Variants in DNAH12 observed in about 807,000 individuals in gnomAD.
DNAH12 encodes dynein axonemal heavy chain 12, also known as axonemal beta dynein heavy chain 12.
In DNAH12, 285 loss-of-function variants were observed where a neutral mutation model predicts 371.5. The ratio of observed to expected loss-of-function variants is 0.77; its 90% CI spans 0.70 to 0.85. DNAH12 has a LOEUF of 0.85. Among genes scored for constraint, DNAH12 ranks in the 40% least tolerant of loss-of-function variants. DNAH12 has a pLI of 0.00. For missense variants in DNAH12, 3,611 were observed against 3,689.4 expected (o/e 0.98, Z 0.55); for synonymous variants, 1,200 against 1,213.0 (o/e 0.99, Z 0.22).
Position 57,452,968 on chromosome 3 carries a change from A to G in DNAH12, c.3661T>C (p.Tyr1221His). ...DFLWLAQLRY[Y>H]WENENARVRI... is the part of the protein sequence containing the mutation. The stretch of plus-strand genomic sequence containing the variant: ...ACTCGGGCATTCTCATTTTCCCAAT[A>G]ATATCGGAGCTGAGCAAGCCACAGG... The change falls in exon 25 of 74, where the codon TAT becomes CAT. Residue 1221 changes from tyrosine (Y) to histidine (H), a missense_variant. This residue lies in a region of DNAH12 where 31 missense variants were observed against 53.8 expected (regional missense o/e 0.58). Coordinates refer to ENST00000495027, the MANE Select transcript of DNAH12 (RefSeq NM_001366028.2). 1.3e-6 allele frequency: 2 copies of G among 1,551,174 alleles called. No homozygotes were observed. Among genetic ancestry groups the G allele is most frequent in the African/African-American group, 1.4e-5 (1 of 73,174 alleles).
intron 60 of DNAH12, among the ~76,000 whole-genome samples, chr3:57,342,109 A>G (rs1359416406): frequency 6.6e-6 from 1 of 152,172 alleles, no homozygotes; most frequent in Non-Finnish European, 1.5e-5. Flanking sequence ...CTACACAAAA[A>G]TCAACTCAAA....
At chr3:57,461,438 G>A (rs2066051076) in intron 19 of DNAH12, 51 bp downstream of exon 19, 15 of 1,520,044 alleles carry the variant, frequency 9.9e-6, no homozygotes, top group Non-Finnish European at 1.3e-5. Context: ...ATATGTAATA[G>A]GATTGCAATC....
rs1373936045 is a variant in DNAH12, at chr3:57,433,523, A to G, written c.4840-16T>C. ...CATCAGTCCACTGAGGAGGAAAAAA[A>G]AGAATTAAAAAGCTCTCCTCATAAA... is the stretch of plus-strand genomic sequence containing the variant. On this transcript the variant is annotated splice_polypyrimidine_tract_variant and intron_variant, in intron 31 of 73. Coordinates refer to ENST00000495027, the MANE Select transcript of DNAH12 (RefSeq NM_001366028.2). 6.5e-7 allele frequency: 1 copy of G among 1,542,850 alleles called. No homozygotes were observed. The highest frequency in any genetic ancestry group is 1.4e-5 in the African/African-American group (1 of 72,530).
intron 25 of DNAH12, among the ~76,000 whole-genome samples, chr3:57,448,436 G>A (rs561291955): frequency 6.6e-6 from 1 of 151,974 alleles, no homozygotes; most frequent in Non-Finnish European, 1.5e-5. Flanking sequence ...TCTTAATGCA[G>A]CACGTCTGGA....
At chr3:57,299,577 T>C (rs2061304221) in intron 70 of DNAH12, among the ~76,000 whole-genome samples, 1 of 152,082 alleles carries the variant, frequency 6.6e-6, no homozygotes, top group East Asian at 1.9e-4. Flanking sequence ...CCAAAATTCA[T>C]AGATTGAAAC....
At chr3:57,306,689 A>G (rs376193497) in intron 69 of DNAH12, among the ~76,000 whole-genome samples, 2 of 152,094 alleles carry the variant, frequency 1.3e-5, no homozygotes, top group East Asian at 1.9e-4. Context: ...CCCACAGCAC[A>G]CTTTAAGAGG....
intron 25 of DNAH12, among the ~76,000 whole-genome samples, chr3:57,452,595 A>G (rs1303406639): frequency 6.6e-6 from 1 of 152,038 alleles, no homozygotes; most frequent in East Asian, 1.9e-4. Context: ...TATTGTCAAT[A>G]CTCTCCTCTT....
chr3:57,384,067 G>C (rs1315006162), intron 49 of DNAH12, among the ~76,000 whole-genome samples: 1 of 152,118 alleles, frequency 6.6e-6, no homozygotes, highest in Non-Finnish European at 1.5e-5. Flanking sequence ...CTAGTCAACA[G>C]ATGTTATCTC....
At chr3:57,525,258 T>C (rs939523695) in intron 2 of DNAH12, among the ~76,000 whole-genome samples, 12 of 152,260 alleles carry the variant, frequency 7.9e-5, no homozygotes, top group Non-Finnish European at 1.3e-4. Context: ...CATGTCTATT[T>C]TGCTCACTGC....
At chr3:57,550,230 G>A in the DNAH12 span, among the ~76,000 whole-genome samples, 1 of 152,142 alleles carries the variant, frequency 6.6e-6, no homozygotes, top group Middle Eastern at 3.4e-3. Flanking sequence ...CAAGAGGATT[G>A]CTTGAGCCCA....
chr3:57,510,716 T>C, intron 5 of DNAH12, 74 bp downstream of exon 5: 6 of 1,373,304 alleles, frequency 4.4e-6, no homozygotes, highest in Non-Finnish European at 6.1e-6. Context: ...TTTTGCTTAT[T>C]TCTATTTTTG....
At position 57,459,663 on chromosome 3, in the gene DNAH12, C is replaced by G. The variant is rs746115630; in HGVS notation, c.2860G>C (p.Glu954Gln). 15 of 1,549,298 alleles carry G rather than the reference C, an allele frequency of 9.7e-6. No individual in the cohort carries two copies. Among genetic ancestry groups the G allele is most frequent in the Non-Finnish European group, 1.3e-5 (15 of 1,145,366 alleles). The change falls in exon 20 of 74, where the codon GAA becomes CAA. Residue 954 changes from glutamate to glutamine, a missense_variant. By Grantham distance (29) the Glu-to-Gln change is conservative (BLOSUM62 2). Transcript: ENST00000495027. ...TCTACTGTCTGAAATTGACGCCCTT[C>G]TTCTGGCATCTGTTGCATGATATCC... is the stretch of plus-strand genomic sequence containing the variant. Reference protein sequence around the residue: ...SEDIMQQMPEEGRQFQTVDRH... With the variant: ...SEDIMQQMPEQGRQFQTVDRH...
At chr3:57,475,533 G>T (rs929237323) in intron 13 of DNAH12, among the ~76,000 whole-genome samples, 3 of 152,082 alleles carry the variant, frequency 2.0e-5, no homozygotes, top group Non-Finnish European at 2.9e-5. Flanking sequence ...ACTTAAAAAT[G>T]GTTAAAATGG....
rs1312439561 is a variant in DNAH12, at chr3:57,471,524, G to C, written c.1859C>G (p.Ser620Ter). ...TTCTGTAAACTCCTCCATGCGGCGTGATTCTTTTTCTATTTCCAAAATAAG... is the reference window on the plus strand; with the variant it reads ...TTCTGTAAACTCCTCCATGCGGCGTCATTCTTTTTCTATTTCCAAAATAAG... ...EKLILEIEKE[S>*]RRMEEFTEFA... The change falls in exon 15 of 74, where the codon TCA becomes TGA. Residue 620 changes from serine to a stop codon, truncating the protein, a stop_gained. Transcript: ENST00000495027. LOFTEE classifies it high-confidence loss of function. 10 of 1,549,046 alleles carry C rather than the reference G, an allele frequency of 6.5e-6. No homozygotes were observed.
intron 2 of DNAH12, among the ~76,000 whole-genome samples, chr3:57,524,095 T>A (rs2068548833): frequency 6.6e-6 from 1 of 152,040 alleles, no homozygotes; most frequent in Admixed American, 6.6e-5. Flanking sequence ...AAACTAAAAA[T>A]CAAAATCAAA....
chr3:57,472,813 A>ATCTGGTTTGGGTGATAT, intron 13 of DNAH12, 142 bp from the exon 14 acceptor site: 2 of 835,108 alleles, frequency 2.4e-6, no homozygotes, highest in Non-Finnish European at 3.7e-6. Context: ...TATATCACCC[A>ATCTGGTTTGGGTGATAT]AACCAGATGG....
intron 2 of DNAH12, among the ~76,000 whole-genome samples, chr3:57,528,315 A>G (rs2153399489): frequency 6.6e-6 from 1 of 151,682 alleles, no homozygotes; most frequent in African/African-American, 2.4e-5. Context: ...GGCGTGAGCC[A>G]CTGCACCCGG....
chr3:57,508,217 A>G (rs1314960805), intron 7 of DNAH12, among the ~76,000 whole-genome samples, 165 bp downstream of exon 7: 3 of 151,332 alleles, frequency 2.0e-5, no homozygotes, highest in African/African-American at 7.3e-5. Context: ...AAAAAAAACC[A>G]AAAAAAACCC....
intron 45 of DNAH12, among the ~76,000 whole-genome samples, chr3:57,390,959 T>C (rs1427752280): frequency 2.6e-5 from 4 of 152,112 alleles, no homozygotes; most frequent in Non-Finnish European, 4.4e-5. Context: ...CACCCAAAGC[T>C]CCAACTCAAC....
Sources: gnomAD v4.1 joint callset for allele counts (sites outside exome capture counted in the v4.1 genomes callset) on GRCh38, gnomAD v4.1.1 for gene constraint, gnomAD v4.1.1 regional missense constraint, MANE v1.5 for transcripts, NCBI Gene and HGNC (gene_info 2026-07-23, HGNC 2026-07-21) for gene names.